The following DIAPH3 variants were observed in gnomAD, a reference collection of about 807,000 sequenced individuals.
DIAPH3 encodes protein diaphanous homolog 3.
In DIAPH3, 117 loss-of-function variants were observed where a neutral mutation model predicts 144.3. That is an observed-to-expected ratio of 0.81 (90% confidence interval 0.70 to 0.95). DIAPH3 has a LOEUF of 0.95. Ranked by LOEUF, DIAPH3 falls within the 40% of genes least tolerant of loss-of-function variation. DIAPH3 has a pLI of 0.00. For missense variants in DIAPH3, 1,421 were observed against 1,412.7 expected, an observed-to-expected ratio of 1.01 and a Z score of -0.09; for synonymous variants, 519 against 488.9, an observed-to-expected ratio of 1.06 and a Z score of -0.81.
At chr13:60,022,847 G>A (rs1022835564) in intron 5 of DIAPH3, among the ~76,000 whole-genome samples, 4 of 152,168 alleles carry the variant, frequency 2.6e-5, no homozygotes, top group African/African-American at 9.7e-5. Context: ...ATGAACAAGT[G>A]TTGAATTTTG....
At chr13:60,070,762 G>A (rs982931666) in intron 4 of DIAPH3, among the ~76,000 whole-genome samples, 1 of 152,134 alleles carries the variant, frequency 6.6e-6, no homozygotes, top group Non-Finnish European at 1.5e-5. Flanking sequence ...TTGATACACT[G>A]CGGCTTTATG....
At chr13:59,823,437 G>A (rs967388684) in intron 24 of DIAPH3, among the ~76,000 whole-genome samples, 2 of 152,154 alleles carry the variant, frequency 1.3e-5, no homozygotes, top group African/African-American at 4.8e-5. Flanking sequence ...GTGGCATTTA[G>A]CTCCAAGTTT....
At chr13:60,160,337 A>G (rs760040411) in intron 1 of DIAPH3, among the ~76,000 whole-genome samples, 1 of 152,266 alleles carries the variant, frequency 6.6e-6, no homozygotes, top group Non-Finnish European at 1.5e-5. Context: ...GACGATTTAC[A>G]CTGAAGTCTG....
intron 27 of DIAPH3, among the ~76,000 whole-genome samples, chr13:59,714,941 A>G (rs531679312): frequency 6.6e-6 from 1 of 152,096 alleles, no homozygotes; most frequent in East Asian, 2.0e-4. Flanking sequence ...TCACCAGTCC[A>G]TATTCTCCCT....
At chr13:60,064,197 G>A (rs1237221617) in intron 4 of DIAPH3, among the ~76,000 whole-genome samples, 1 of 152,068 alleles carries the variant, frequency 6.6e-6, no homozygotes, top group African/African-American at 2.4e-5. Context: ...ATTGAGCATT[G>A]GTTTCAACTT....
intron 27 of DIAPH3, among the ~76,000 whole-genome samples, chr13:59,727,096 C>A (rs915637965): frequency 6.6e-6 from 1 of 152,004 alleles, no homozygotes; most frequent in Non-Finnish European, 1.5e-5. Flanking sequence ...TCTGAAGAAA[C>A]CTCTTCAAAA....
chr13:59,750,451 T>C (rs375289430), intron 27 of DIAPH3, among the ~76,000 whole-genome samples: 10 of 152,314 alleles, frequency 6.6e-5, no homozygotes, highest in African/African-American at 2.4e-4. Context: ...TTTCCAGGTT[T>C]AAGAACATTT....
intron 20 of DIAPH3, among the ~76,000 whole-genome samples, chr13:59,897,212 C>A (rs2046156706): frequency 6.6e-6 from 1 of 151,830 alleles, no homozygotes; most frequent in Admixed American, 6.6e-5. Flanking sequence ...CACAAGGGAG[C>A]CAGGAAAGAG....
chr13:59,870,263 A>C (rs1162118929), intron 21 of DIAPH3, among the ~76,000 whole-genome samples: 3 of 152,002 alleles, frequency 2.0e-5, no homozygotes, highest in Admixed American at 6.6e-5. Flanking sequence ...GTCAAAATCA[A>C]CTGACTATAT....
intron 7 of DIAPH3, among the ~76,000 whole-genome samples, chr13:60,015,395 C>T (rs554338796): frequency 3.3e-5 from 5 of 152,128 alleles, no homozygotes; most frequent in Non-Finnish European, 7.3e-5. Context: ...TTTCTGAGAC[C>T]TGCTTATATC....
chr13:59,983,722 A>G, intron 13 of DIAPH3, 47 bp downstream of exon 13: 1 of 1,301,942 alleles, frequency 7.7e-7, no homozygotes, highest in Non-Finnish European at 1.1e-6. Flanking sequence ...GCTCATTCAT[A>G]GAATAAGAGA....
At chr13:59,726,567 AT>A (rs776902443) in intron 27 of DIAPH3, among the ~76,000 whole-genome samples, 22 of 152,248 alleles carry the variant, frequency 1.4e-4, no homozygotes, top group Middle Eastern at 6.8e-3. Flanking sequence ...CAACTCAAGA[AT>A]CCCCCAATCC....
chr13:59,793,257 C>T (rs1050464869), intron 25 of DIAPH3, among the ~76,000 whole-genome samples: 8 of 152,120 alleles, frequency 5.3e-5, no homozygotes, highest in African/African-American at 1.4e-4. Flanking sequence ...CCCCTCCTGC[C>T]GCCCTCAGAA....
At chr13:59,713,749 CAAG>C (rs528296964) in intron 27 of DIAPH3, among the ~76,000 whole-genome samples, 177 of 152,218 alleles carry the variant, frequency 1.2e-3, no homozygotes, top group Admixed American at 2.0e-3. Flanking sequence ...AAAGGACTTC[CAAG>C]AAAAATTCCC....
chr13:59,766,299 A>C (rs1156941712), intron 27 of DIAPH3, among the ~76,000 whole-genome samples: 1 of 152,092 alleles, frequency 6.6e-6, no homozygotes, highest in African/African-American at 2.4e-5. Context: ...ATAAGTAATC[A>C]TCTCCCTCTG....
chr13:59,862,609 G>A (rs2043664040), intron 21 of DIAPH3, among the ~76,000 whole-genome samples: 2 of 152,148 alleles, frequency 1.3e-5, no homozygotes, highest in Admixed American at 6.6e-5. Flanking sequence ...GGCCAAAGAA[G>A]AAAATTGTTT....
At chr13:60,059,392 A>C in intron 4 of DIAPH3, among the ~76,000 whole-genome samples, 1 of 152,004 alleles carries the variant, frequency 6.6e-6, no homozygotes, top group Non-Finnish European at 1.5e-5. Context: ...AAAGTACTAA[A>C]CAACTATTTT....
intron 4 of DIAPH3, among the ~76,000 whole-genome samples, chr13:60,085,981 G>A (rs1340676738): frequency 2.0e-5 from 3 of 151,970 alleles, no homozygotes; most frequent in East Asian, 1.9e-4. Context: ...GCCAACAAGC[G>A]GTATAAACAT....
intron 17 of DIAPH3, among the ~76,000 whole-genome samples, chr13:59,942,783 AC>A (rs2048601320): frequency 6.6e-6 from 1 of 152,178 alleles, no homozygotes; most frequent in Non-Finnish European, 1.5e-5. Context: ...ATGAGCTCAT[AC>A]CATATACATT....
Sources: allele counts gnomAD v4.1 joint callset (sites outside exome capture counted in the v4.1 genomes callset), GRCh38; gene constraint gnomAD v4.1.1; transcripts MANE v1.5; gene names NCBI Gene and HGNC (gene_info 2026-07-23, HGNC 2026-07-21).